The following KPNA5 variants were observed in gnomAD, a reference collection of about 807,000 sequenced individuals.
The protein encoded by KPNA5 is karyopherin subunit alpha 5, also known as importin subunit alpha-6.
KPNA5 carries 46 observed loss-of-function variants against 71.3 expected under a neutral mutation model. The ratio of observed to expected loss-of-function variants is 0.65; its 90% CI spans 0.51 to 0.83. KPNA5 has a LOEUF of 0.83. Ranked by LOEUF, KPNA5 falls within the 40% of genes least tolerant of loss-of-function variation. KPNA5 has a pLI of 0.00. For missense variants in KPNA5, 547 were observed against 628.3 expected, an observed-to-expected ratio of 0.87 and a Z score of 1.38; for synonymous variants, 207 against 201.4, an observed-to-expected ratio of 1.03 and a Z score of -0.24.
At chr6:116,717,621 G>A (rs1778937427) in intron 8 of KPNA5, among the ~76,000 whole-genome samples, 1 of 152,186 alleles carries the variant, frequency 6.6e-6, no homozygotes, top group African/African-American at 2.4e-5. Context: ...AGGAGTGGAA[G>A]TTTATTTAAA....
In KPNA5 at chr6:116,725,857, G is replaced by T. The variant is rs1416363018; in HGVS notation, c.1106G>T (p.Gly369Val). 3 of 1,613,092 alleles carry T rather than the reference G, an allele frequency of 1.9e-6. 1 individual carries two copies. The South Asian group carries it at 3.3e-5, about 18-fold the overall frequency. ...TGGACTGTTTCTAACATCACTGCTG[G>T]AAATAGAGCTCAGATTCAGGTAACT... The part of the protein sequence containing the change: ...ACWTVSNITA[G>V]NRAQIQAVID... Residue 369 changes from glycine to valine, a missense_variant, in exon 11 of 14, where the codon GGA becomes GTA. Physicochemically the swap from Gly to Val is moderately radical, Grantham distance 109. Transcript: ENST00000368564.
chr6:116,696,500 A>G (rs903715597), intron 4 of KPNA5, among the ~76,000 whole-genome samples: 7 of 152,120 alleles, frequency 4.6e-5, no homozygotes, highest in African/African-American at 9.7e-5. Flanking sequence ...TGCACAGCCT[A>G]TCTTAGCTCC....
rs1779834313 is a variant in KPNA5 at position 116,740,497 on chromosome 6, T to C, written c.*8174T>C. On this transcript the variant is annotated 3_prime_UTR_variant, in exon 14 of 14. Transcript: ENST00000368564. Reference sequence around the variant, plus strand: ...GACCCAGCCATCCCATTACTGGGTATATACCCAAAGGAATATAAATCATGC... The same window carrying C: ...GACCCAGCCATCCCATTACTGGGTACATACCCAAAGGAATATAAATCATGC... The C allele has an allele frequency of 6.6e-6, 1 of 152,204 alleles. No homozygotes were observed. Among genetic ancestry groups the C allele is most frequent in the Non-Finnish European group, 1.5e-5 (1 of 68,034 alleles). 9.4% of individuals were successfully genotyped at this position (152,204 alleles called of 1,614,324 possible). A position where few individuals can be genotyped will look rare whatever the true frequency, so the allele number is the denominator to read the frequency against.
intron 13 of KPNA5, among the ~76,000 whole-genome samples, chr6:116,730,251 T>TGATTTTTG (rs1779436072): frequency 6.6e-6 from 1 of 151,846 alleles, no homozygotes; most frequent in South Asian, 2.1e-4. Context: ...CATGCCCGGC[T>TGATTTTTG]GATTTTTGTA....
chr6:116,704,952 A>G, intron 6 of KPNA5, 120 bp from the exon 7 acceptor site: 1 of 619,332 alleles, frequency 1.6e-6, no homozygotes, highest in Non-Finnish European at 2.7e-6. Flanking sequence ...TTTCTTTTCT[A>G]CTGTTTTTTT....
intron 8 of KPNA5, among the ~76,000 whole-genome samples, chr6:116,717,392 C>T (rs1375915841): frequency 6.6e-6 from 1 of 152,186 alleles, no homozygotes; most frequent in Non-Finnish European, 1.5e-5. Context: ...GACTGATTCC[C>T]TCATCTTTGT....
intron 7 of KPNA5, among the ~76,000 whole-genome samples, chr6:116,709,409 G>A (rs75821770): frequency 6.6e-6 from 1 of 152,268 alleles, no homozygotes; most frequent in Admixed American, 6.5e-5. Context: ...CATTGGCCAG[G>A]CTGGTCTTGA....
chr6:116,708,460 T>C (rs947315968), intron 7 of KPNA5, among the ~76,000 whole-genome samples: 2 of 152,192 alleles, frequency 1.3e-5, no homozygotes, highest in Non-Finnish European at 2.9e-5. Flanking sequence ...AGTTGACTTT[T>C]TCATTTCTAT....
At chr6:116,713,798 C>A (rs1778789386) in intron 7 of KPNA5, among the ~76,000 whole-genome samples, 1 of 152,046 alleles carries the variant, frequency 6.6e-6, no homozygotes, top group Non-Finnish European at 1.5e-5. Flanking sequence ...TTTCTTCTCC[C>A]TGCTCAATCT....
chr6:116,701,891 CAATG>C (rs1778244165), intron 5 of KPNA5, 124 bp from the exon 6 acceptor site: 4 of 682,536 alleles, frequency 5.9e-6, no homozygotes, highest in Non-Finnish European at 6.7e-6. Context: ...TCTGACTTCA[CAATG>C]AATCTTAATA....
In KPNA5 at chr6:116,734,752, A is replaced by G. The variant is rs1362630281; in HGVS notation, c.*2429A>G. On this transcript the variant is annotated 3_prime_UTR_variant, in exon 14 of 14. Coordinates refer to ENST00000368564, the MANE Select transcript of KPNA5 (RefSeq NM_001366306.2). ...AAAAAGAAAGAAAGAAAAGAAAAAAATAAATAAAATGCTCCAAAAAGTGTT... is the reference window on the plus strand; with the variant it reads ...AAAAAGAAAGAAAGAAAAGAAAAAAGTAAATAAAATGCTCCAAAAAGTGTT... 1 of 151,302 alleles carries G rather than the reference A, an allele frequency of 6.6e-6. No homozygotes were observed. The highest frequency in any genetic ancestry group is 1.5e-5 in the Non-Finnish European group (1 of 67,614). The allele number at this position is 151,302 out of a possible 1,614,324, so 9.4% of individuals were successfully genotyped here. A position where few individuals can be genotyped will look rare whatever the true frequency, so the allele number is the denominator to read the frequency against.
chr6:116,732,093 TATATATATATA>T (rs1332691401), intron 13 of KPNA5, 32 bp from the exon 14 acceptor site: 1 of 87,382 alleles, frequency 1.1e-5, no homozygotes, highest in African/African-American at 5.6e-5. Flanking sequence ...TATATATATA[TATATATATATA>T]TATATATATA....
rs1193605925 is a variant in KPNA5, at chr6:116,692,161, A to T, written c.240+5A>T. 2 of 1,574,996 alleles carry T rather than the reference A, an allele frequency of 1.3e-6. No homozygotes were observed. The highest frequency in any genetic ancestry group is 2.7e-5 in the African/African-American group (2 of 73,658). On this transcript the variant is annotated splice_donor_5th_base_variant and intron_variant, in intron 3 of 13. Coordinates refer to ENST00000368564, the MANE Select transcript of KPNA5 (RefSeq NM_001366306.2). ...TCCACTGTACCCATTCCAGAGGTAT[A>T]CTTTACCAAAATATGTTTCAAATTA...
chr6:116,708,378 G>A (rs1354517237), intron 7 of KPNA5, among the ~76,000 whole-genome samples: 1 of 152,124 alleles, frequency 6.6e-6, no homozygotes, highest in Non-Finnish European at 1.5e-5. Context: ...ATGTATGAGT[G>A]TTCTAATTTC....
At chr6:116,684,675 A>G (rs1414797572) in intron 1 of KPNA5, among the ~76,000 whole-genome samples, 2 of 151,996 alleles carry the variant, frequency 1.3e-5, no homozygotes, top group South Asian at 2.1e-4. Flanking sequence ...TCCTTTGGTC[A>G]TCCTTCTTCT....
intron 1 of KPNA5, among the ~76,000 whole-genome samples, chr6:116,681,852 G>A (rs1777372394): frequency 6.6e-6 from 1 of 152,106 alleles, no homozygotes; most frequent in African/African-American, 2.4e-5. Context: ...GGCAAGCCTG[G>A]GTTCCACGCT....
Position 116,698,893 on chromosome 6 carries a change from A to G in KPNA5, c.435+95A>G. 1.3e-5 allele frequency: 8 copies of G among 598,842 alleles called. No homozygotes were observed. In the South Asian group the frequency reaches 1.9e-4, roughly 14 times the overall value. The allele number at this position is 598,842 out of a possible 1,614,324, so 37.1% of individuals were successfully genotyped here. Reference sequence around the variant, plus strand: ...TTCTGCAGTATTGACTATTGTAAGCATTAAGTGAATACTTGGTAATTAAAG... The same window carrying G: ...TTCTGCAGTATTGACTATTGTAAGCGTTAAGTGAATACTTGGTAATTAAAG... On this transcript the variant is annotated intron_variant, in intron 5 of 13. Transcript: ENST00000368564.
intron 4 of KPNA5, among the ~76,000 whole-genome samples, chr6:116,694,370 C>T (rs1305778435): frequency 2.0e-5 from 3 of 152,152 alleles, no homozygotes; most frequent in Non-Finnish European, 2.9e-5. Flanking sequence ...TACCCATAAG[C>T]ATGGAATGTT....
chr6:116,702,745 A>T (rs979172277), intron 6 of KPNA5, among the ~76,000 whole-genome samples: 1 of 152,232 alleles, frequency 6.6e-6, no homozygotes, highest in African/African-American at 2.4e-5. Flanking sequence ...CGGGTTTTAA[A>T]GCTGAACTGG....
Sources: allele counts gnomAD v4.1 joint callset (sites outside exome capture counted in the v4.1 genomes callset), GRCh38; gene constraint gnomAD v4.1.1; transcripts MANE v1.5; gene names NCBI Gene and HGNC (gene_info 2026-07-23, HGNC 2026-07-21).